Variants in ADGRL2 observed in about 807,000 individuals in gnomAD.
ADGRL2 encodes the protein adhesion G protein-coupled receptor L2, also known as calcium-independent alpha-latrotoxin receptor 2.
ADGRL2 carries 44 observed loss-of-function variants against 157.4 expected under a neutral mutation model. The observed-to-expected ratio is 0.28, with a 90% CI of 0.22 to 0.36. ADGRL2 has a LOEUF of 0.36. Ranked by LOEUF, ADGRL2 falls within the 10% of genes least tolerant of loss-of-function variation. The pLI, the probability that ADGRL2 is intolerant of heterozygous loss-of-function variation, is 1.00. For missense variants in ADGRL2, 1,510 were observed against 1,768.9 expected (o/e 0.85, Z 2.63); for synonymous variants, 585 against 624.7 (o/e 0.94, Z 0.95).
intron 2 of ADGRL2, among the ~76,000 whole-genome samples, chr1:81,845,338 G>A (rs1488298267): frequency 6.6e-6 from 1 of 151,840 alleles, no homozygotes; most frequent in Non-Finnish European, 1.5e-5. Context: ...CTTCACAACT[G>A]GTTATTTCCC....
intron 3 of ADGRL2, among the ~76,000 whole-genome samples, chr1:81,909,391 A>G (rs2094658870): frequency 6.6e-6 from 1 of 152,162 alleles, no homozygotes; most frequent in South Asian, 2.1e-4. Context: ...TAAAACATAG[A>G]AACAGGCAAA....
chr1:81,601,399 A>C (rs1293941588), intron 3 of ADGRL2, among the ~76,000 whole-genome samples: 1 of 152,228 alleles, frequency 6.6e-6, no homozygotes, highest in African/African-American at 2.4e-5. Context: ...GGGGACCAGA[A>C]GAGACAGTTC....
At chr1:81,842,630 A>G (rs1272453565) in intron 2 of ADGRL2, among the ~76,000 whole-genome samples, 1 of 152,040 alleles carries the variant, frequency 6.6e-6, no homozygotes, top group African/African-American at 2.4e-5. Context: ...GACTGGGATT[A>G]TATGCATGAG....
chr1:81,640,112 A>C (rs1000002418), intron 3 of ADGRL2, among the ~76,000 whole-genome samples: 27 of 152,284 alleles, frequency 1.8e-4, no homozygotes, highest in African/African-American at 6.3e-4. Context: ...GTATCCTCTC[A>C]AAGTTTTAAA....
At chr1:81,776,782 C>G (rs966268907) in intron 2 of ADGRL2, among the ~76,000 whole-genome samples, 1 of 152,106 alleles carries the variant, frequency 6.6e-6, no homozygotes, top group Non-Finnish European at 1.5e-5. Flanking sequence ...GAAAGATTGA[C>G]CTGGGCTCCA....
intron 2 of ADGRL2, among the ~76,000 whole-genome samples, chr1:81,762,885 T>C (rs1447217075): frequency 6.6e-6 from 1 of 151,808 alleles, no homozygotes; most frequent in Non-Finnish European, 1.5e-5. Flanking sequence ...ACCCCGTCTC[T>C]ACTAAAAATA....
At chr1:81,579,112 T>C (rs540943409) in intron 2 of ADGRL2, among the ~76,000 whole-genome samples, 50 of 152,232 alleles carry the variant, frequency 3.3e-4, no homozygotes, top group African/African-American at 1.1e-3. Flanking sequence ...AAGAATCTCT[T>C]ACTATCAATG....
At chr1:81,858,466 C>T (rs2093280082) in intron 2 of ADGRL2, among the ~76,000 whole-genome samples, 4 of 152,004 alleles carry the variant, frequency 2.6e-5, no homozygotes. Context: ...ATCATTTTAC[C>T]GTTCCTGTAA....
At chr1:81,818,517 C>A (rs2090648025) in intron 1 of ADGRL2, among the ~76,000 whole-genome samples, 1 of 152,132 alleles carries the variant, frequency 6.6e-6, no homozygotes, top group African/African-American at 2.4e-5. Flanking sequence ...GTCTTAAAGG[C>A]TGTATTTTGA....
intron 3 of ADGRL2, among the ~76,000 whole-genome samples, chr1:81,602,791 G>A (rs1049474772): frequency 2.6e-5 from 4 of 150,998 alleles, no homozygotes; most frequent in East Asian, 2.0e-4. Flanking sequence ...CCAGCTACTC[G>A]GGGGGCTGAG....
intron 1 of ADGRL2, among the ~76,000 whole-genome samples, chr1:81,390,788 T>C (rs2076532757): frequency 6.6e-6 from 1 of 152,306 alleles, no homozygotes; most frequent in African/African-American, 2.4e-5. Context: ...TATTTCATTA[T>C]ATGAATGCAA....
intron 3 of ADGRL2, among the ~76,000 whole-genome samples, chr1:81,632,754 C>CAAA (rs34612206): frequency 8.9e-6 from 1 of 112,160 alleles, no homozygotes; most frequent in African/African-American, 3.2e-5. Flanking sequence ...GACTCCGTCT[C>CAAA]AAAAAAAAAA....
intron 3 of ADGRL2, among the ~76,000 whole-genome samples, chr1:81,645,906 A>G (rs973851361): frequency 2.9e-4 from 44 of 152,272 alleles, no homozygotes; most frequent in Non-Finnish European, 4.1e-4. Flanking sequence ...ATATACTGCC[A>G]AGTCATCCTC....
At chr1:81,753,634 A>G (rs2085564519) in intron 1 of ADGRL2, among the ~76,000 whole-genome samples, 1 of 152,232 alleles carries the variant, frequency 6.6e-6, no homozygotes. Flanking sequence ...ACAAAAGTAC[A>G]TAATTTCAGA....
chr1:81,912,643 A>C (rs2094757423), intron 3 of ADGRL2, among the ~76,000 whole-genome samples: 1 of 152,066 alleles, frequency 6.6e-6, no homozygotes, highest in South Asian at 2.1e-4. Flanking sequence ...CAACATCTGC[A>C]TTTGAGGAGC....
chr1:81,372,633 A>G (rs1054261501), intron 1 of ADGRL2, among the ~76,000 whole-genome samples: 2 of 152,134 alleles, frequency 1.3e-5, no homozygotes, highest in African/African-American at 4.8e-5. Flanking sequence ...CTGTTACTCC[A>G]TCTCATTCCA....
intron 2 of ADGRL2, among the ~76,000 whole-genome samples, chr1:81,567,838 A>C (rs1356865041): frequency 1.3e-5 from 2 of 152,132 alleles, no homozygotes; most frequent in Non-Finnish European, 2.9e-5. Context: ...CTCTATTGGG[A>C]AAAAGATATT....
At chr1:81,683,185 C>CA (rs2148961352) in intron 3 of ADGRL2, among the ~76,000 whole-genome samples, 1 of 152,230 alleles carries the variant, frequency 6.6e-6, no homozygotes, top group African/African-American at 2.4e-5. Context: ...TCTGAATAGA[C>CA]ATGAATGTGC....
At chr1:81,889,416 GAT>G in intron 2 of ADGRL2, among the ~76,000 whole-genome samples, 1 of 152,314 alleles carries the variant, frequency 6.6e-6, no homozygotes, top group African/African-American at 2.4e-5. Context: ...CCAGTCTCAA[GAT>G]TCTCTTAAGC....
Sources: allele counts gnomAD v4.1 joint callset (sites outside exome capture counted in the v4.1 genomes callset), GRCh38; gene constraint gnomAD v4.1.1; transcripts MANE v1.5; gene names NCBI Gene and HGNC (gene_info 2026-07-23, HGNC 2026-07-21).